The following FAM83F variants were observed in gnomAD, a reference collection of about 807,000 sequenced individuals.
FAM83F encodes the protein protein FAM83F.
Under a neutral mutation model 42.9 loss-of-function variants are expected in FAM83F, and 45 were observed. The ratio of observed to expected loss-of-function variants is 1.05; its 90% CI spans 0.83 to 1.35. The LOEUF is 1.35. Ranked by LOEUF, FAM83F falls within the 40% of genes most tolerant of loss-of-function variation. The probability of loss-of-function intolerance (pLI) is 0.00; values close to 1 mark genes in which losing one functional copy is unlikely to be tolerated. For synonymous variants in FAM83F, 306 were observed against 298.3 expected (o/e 1.03, Z -0.27); for missense variants, 617 against 695.9 (o/e 0.89, Z 1.28).
intron 1 of FAM83F, among the ~76,000 whole-genome samples, chr22:40,015,831 T>A (rs960272758): frequency 6.6e-6 from 1 of 152,250 alleles, no homozygotes; most frequent in Non-Finnish European, 1.5e-5. Flanking sequence ...TCTTAGTTAT[T>A]TTGTGCAAAG....
At chr22:40,011,622 T>C (rs1161365441) in intron 1 of FAM83F, among the ~76,000 whole-genome samples, 2 of 152,162 alleles carry the variant, frequency 1.3e-5, no homozygotes. Context: ...AGGCTATAGA[T>C]CTCACTCTTT....
rs768426507 is a variant in FAM83F at position 40,042,536 on chromosome 22, C to G, written c.*12971C>G. ...AGTCCCATGTCCCTACCATTTGCTT[C>G]CAGGGCACCTTCTCACAGCACTGCA... On this transcript the variant is annotated 3_prime_UTR_variant, in exon 5 of 5. Coordinates refer to ENST00000333407, the MANE Select transcript of FAM83F (RefSeq NM_138435.4). 3.3e-5 allele frequency: 5 copies of G among 152,372 alleles called. No homozygotes were observed. The highest frequency in any genetic ancestry group is 7.3e-5 in the Non-Finnish European group (5 of 68,048). The allele number at this position is 152,372 out of a possible 1,614,324, so 9.4% of individuals were successfully genotyped here.
chr22:40,019,217 A>G lies in FAM83F; in HGVS notation c.539A>G (p.Asp180Gly), dbSNP rs954769616. The G allele has an allele frequency of 4.3e-6, 7 of 1,614,022 alleles. No homozygotes were observed. Among genetic ancestry groups the G allele is most frequent in the Non-Finnish European group, 5.1e-6 (6 of 1,180,034 alleles). The change falls in exon 2 of 5, where the codon GAC becomes GGC. Residue 180 changes from aspartate to glycine, a missense_variant. By Grantham distance (94) the Asp-to-Gly change is moderately conservative. Coordinates refer to ENST00000333407, the MANE Select transcript of FAM83F (RefSeq NM_138435.4). Reference sequence around the variant, plus strand: ...TTCACTGATGGTGATATCTTTCAAGACATTGTGGATGCTGCCTGTAAGCGC... The same window carrying G: ...TTCACTGATGGTGATATCTTTCAAGGCATTGTGGATGCTGCCTGTAAGCGC... ...DLFTDGDIFQ[D>G]IVDAACKRRV...
At chr22:40,001,671 CAAAA>C (rs1025548198) in intron 1 of FAM83F, among the ~76,000 whole-genome samples, 2 of 151,814 alleles carry the variant, frequency 1.3e-5, no homozygotes, top group Non-Finnish European at 1.5e-5. Context: ...AAAAACAAAA[CAAAA>C]AAACCCAAAA....
rs1281584697 is a variant in FAM83F at position 40,031,290 on chromosome 22, G to A, written c.*1725G>A. ...ATGTGGGGGTGTTACACCTCAGCTC[G>A]AGGCGGACACCTTGAAGGTATGGGA... On this transcript the variant is annotated 3_prime_UTR_variant, in exon 5 of 5. Transcript: ENST00000333407. 3.3e-5 allele frequency: 5 copies of A among 152,314 alleles called. No homozygotes were observed. The highest frequency in any genetic ancestry group is 2.1e-4 in the South Asian group (1 of 4,834). 9.4% of individuals were successfully genotyped at this position (152,314 alleles called of 1,614,324 possible).
rs2067533511 is a variant in FAM83F at position 40,023,416 on chromosome 22, C to CCGGAACCATCATCCCGTTCCT, written c.1453+1453_1453+1454insCGGAACCATCATCCCGTTCCT. ...GAGGAAGGGTTGCCATGGTGAACAC[C>CCGGAACCATCATCCCGTTCCT]TGGCAAGGGAGCGAGGGGAAGAGGG... On this transcript the variant is annotated intron_variant, in intron 4 of 4. Coordinates refer to ENST00000333407, the MANE Select transcript of FAM83F (RefSeq NM_138435.4). The surrounding 1 kb of genome is among the most constrained non-coding windows in gnomAD (Gnocchi z 4.1). 6.6e-6 allele frequency among the ~76,000 whole-genome samples: 1 copy of CCGGAACCATCATCCCGTTCCT among 152,100 alleles called. No homozygotes were observed. Among genetic ancestry groups the CCGGAACCATCATCCCGTTCCT allele is most frequent in the Non-Finnish European group, 1.5e-5 (1 of 67,996 alleles).
chr22:40,024,236 C>T (rs1449077538), intron 4 of FAM83F, among the ~76,000 whole-genome samples: 1 of 152,126 alleles, frequency 6.6e-6, no homozygotes, highest in Non-Finnish European at 1.5e-5. Flanking sequence ...CTCAAGTGAT[C>T]CTCCTACCTC....
At chr22:39,998,613 C>G (rs549752562) in intron 1 of FAM83F, among the ~76,000 whole-genome samples, 2 of 152,094 alleles carry the variant, frequency 1.3e-5, no homozygotes, top group South Asian at 4.1e-4. Flanking sequence ...TCTGGCTGAG[C>G]GGCCTGTACC....
In FAM83F at chr22:39,995,096, G is replaced by A. The variant is rs149259541; in HGVS notation, c.54G>A (p.Val18=). ...ACGAGGCGCACGTGAACGAGAAGGTGACCGAGGCGCAGGCCGCCTTCTACT... is the reference window on the plus strand; with the variant it reads ...ACGAGGCGCACGTGAACGAGAAGGTAACCGAGGCGCAGGCCGCCTTCTACT... ...CLDEAHVNEK[V]TEAQAAFYYC... Residue 18 remains valine (V), a synonymous_variant, in exon 1 of 5, where the codon GTG becomes GTA. Coordinates refer to ENST00000333407, the MANE Select transcript of FAM83F (RefSeq NM_138435.4). This position sits in a 1 kb window ranked among gnomAD's most constrained non-coding sequence, Gnocchi z 4.6. 7.1e-3 allele frequency: 9,672 copies of A among 1,356,248 alleles called. 59 individuals are homozygous for A. The highest frequency in any genetic ancestry group is 8.3e-3 in the Middle Eastern group (36 of 4,316). The allele number at this position is 1,356,248 out of a possible 1,614,324, so 84.0% of individuals were successfully genotyped here.
chr22:40,014,974 A>G (rs9623108), intron 1 of FAM83F, among the ~76,000 whole-genome samples: 1,680 of 152,324 alleles, frequency 0.011, 25 homozygotes, highest in African/African-American at 0.039. Flanking sequence ...AAAGCACAGG[A>G]AACAGCCTAG....
intron 1 of FAM83F, among the ~76,000 whole-genome samples, chr22:40,004,021 G>A (rs547973089): frequency 2.0e-5 from 3 of 152,028 alleles, no homozygotes; most frequent in East Asian, 3.9e-4. Flanking sequence ...GAACTCACCC[G>A]CCTGGGAGGG....
Position 40,002,280 on chromosome 22 carries a change from A to T in FAM83F, c.489+6749A>T, listed in dbSNP as rs146472998. On this transcript the variant is annotated intron_variant, in intron 1 of 4. Transcript: ENST00000333407. Reference sequence around the variant, plus strand: ...TCCCCAAGTTCTTTTAGTTCTGGAGAACTAAAGCTTTCATTGGAACAAGAG... The same window carrying T: ...TCCCCAAGTTCTTTTAGTTCTGGAGTACTAAAGCTTTCATTGGAACAAGAG... 2.6e-3 allele frequency among the ~76,000 whole-genome samples: 397 copies of T among 152,232 alleles called. 1 individual carries two copies. The highest frequency in any genetic ancestry group is 9.3e-3 in the African/African-American group (387 of 41,530).
chr22:40,006,117 G>A (rs1272186431), intron 1 of FAM83F, among the ~76,000 whole-genome samples: 1 of 152,124 alleles, frequency 6.6e-6, no homozygotes, highest in Admixed American at 6.5e-5. Context: ...GCATACTCCT[G>A]TAATCCCAGC....
intron 1 of FAM83F, among the ~76,000 whole-genome samples, chr22:39,997,368 T>G (rs893082451): frequency 6.6e-6 from 1 of 152,202 alleles, no homozygotes; most frequent in Non-Finnish European, 1.5e-5. Flanking sequence ...TCCTGCATAG[T>G]GAGGTATTTT....
rs369310855 is a variant in FAM83F at position 40,028,150 on chromosome 22, C to T, written c.1454-1366C>T. Reference sequence around the variant, plus strand: ...CGCCTTGGCCATGGAGCCCTTGGGGCGCAGCCTCCTGCCCAAAGGTGGGGG... The same window carrying T: ...CGCCTTGGCCATGGAGCCCTTGGGGTGCAGCCTCCTGCCCAAAGGTGGGGG... On this transcript the variant is annotated intron_variant, in intron 4 of 4. Transcript: ENST00000333407. 5.3e-5 allele frequency among the ~76,000 whole-genome samples: 8 copies of T among 152,340 alleles called. No individual in the cohort carries two copies. In the East Asian group the frequency reaches 5.8e-4, roughly 11 times the overall value.
Position 40,038,851 on chromosome 22 carries a change from CA to C in FAM83F, c.*9288del, listed in dbSNP as rs2067639268. On this transcript the variant is annotated 3_prime_UTR_variant, in exon 5 of 5. Coordinates refer to ENST00000333407, the MANE Select transcript of FAM83F (RefSeq NM_138435.4). Reference sequence around the variant, plus strand: ...TATGCACCTGCACCCGTGAGTCTCACAACAGCCCCAACAGGCAAGTGTTATT... The same window carrying C: ...TATGCACCTGCACCCGTGAGTCTCACACAGCCCCAACAGGCAAGTGTTATT... 6.6e-6 allele frequency: 1 copy of C among 152,268 alleles called. No individual in the cohort carries two copies. Among genetic ancestry groups the C allele is most frequent in the African/African-American group, 2.4e-5 (1 of 41,460 alleles). The allele number at this position is 152,268 out of a possible 1,614,324, so 9.4% of individuals were successfully genotyped here.
chr22:40,008,509 A>G (rs1775345244), intron 1 of FAM83F, among the ~76,000 whole-genome samples: 1 of 152,206 alleles, frequency 6.6e-6, no homozygotes, highest in Non-Finnish European at 1.5e-5. Context: ...GACCCAGTAG[A>G]TGACTCACTC....
chr22:40,040,318 C>T lies in FAM83F; in HGVS notation c.*10753C>T, dbSNP rs2067645770. ...CTAGGTTCAACGATGGGTTAGTTAG[C>T]CCTTCAGTGCCTCCATTTTCCTATC... On this transcript the variant is annotated 3_prime_UTR_variant, in exon 5 of 5. Transcript: ENST00000333407. 1 of 152,196 alleles carries T rather than the reference C, an allele frequency of 6.6e-6. No individual in the cohort carries two copies. Among genetic ancestry groups the T allele is most frequent in the East Asian group, 1.9e-4 (1 of 5,204 alleles). 9.4% of individuals were successfully genotyped at this position (152,196 alleles called of 1,614,324 possible). A position where few individuals can be genotyped will look rare whatever the true frequency, so the allele number is the denominator to read the frequency against.
Position 39,995,284 on chromosome 22 carries a change from CCAACGCCCGGGG to C in FAM83F, c.246_257del (p.Asn82_Gly85del). On this transcript the variant is annotated inframe_deletion, in exon 1 of 5. Coordinates refer to ENST00000333407, the MANE Select transcript of FAM83F (RefSeq NM_138435.4). The surrounding 1 kb of genome is among the most constrained non-coding windows in gnomAD (Gnocchi z 4.6). ...CCCTACGAGGACGCCGTCCCCGCCG[CCAACGCCCGGGG>C]CAAGAGCAAGGCCAAGGCCAAGGCC... 5 of 1,536,380 alleles carry C rather than the reference CCAACGCCCGGGG, an allele frequency of 3.3e-6. No individual in the cohort carries two copies. The highest frequency in any genetic ancestry group is 4.4e-6 in the Non-Finnish European group (5 of 1,145,806).
Sources: allele counts gnomAD v4.1 joint callset (sites outside exome capture counted in the v4.1 genomes callset), GRCh38; gene constraint gnomAD v4.1.1; non-coding constraint Gnocchi (gnomAD v3.1); transcripts MANE v1.5; gene names NCBI Gene and HGNC (gene_info 2026-07-23, HGNC 2026-07-21).